The following VPS13B variants were observed in gnomAD, a reference collection of about 807,000 sequenced individuals.
VPS13B encodes vacuolar protein sorting 13 homolog B.
Under a neutral mutation model 426.4 loss-of-function variants are expected in VPS13B, and 285 were observed. That is an observed-to-expected ratio of 0.67 (90% CI 0.61 to 0.74). VPS13B has a LOEUF of 0.74. Among genes scored for constraint, VPS13B ranks in the 30% least tolerant of loss-of-function variants. The probability of loss-of-function intolerance (pLI) is 0.00; values close to 1 mark genes in which losing one functional copy is unlikely to be tolerated. For synonymous variants in VPS13B, 1,676 were observed against 1,676.4 expected (o/e 1.00, Z 0.01); for missense variants, 4,537 against 4,782.6 (o/e 0.95, Z 1.51).
intron 25 of VPS13B, among the ~76,000 whole-genome samples, chr8:99,489,626 G>A (rs1312998980): frequency 6.6e-6 from 1 of 152,112 alleles, no homozygotes; most frequent in Admixed American, 6.5e-5. Context: ...CCCATCCCTT[G>A]TAAGTTGAAT....
chr8:99,818,825 G>C lies in VPS13B; in HGVS notation c.8558G>C (p.Gly2853Ala). ...GAAACACAAATTATTCCAGGAAAAG[G>C]GCAGGAAAAACCACTGCAAAACATA... ...LSETQIIPGK[G>A]QEKPLQNIEP... is the part of the protein sequence containing the mutation. The change falls in exon 47 of 62, where the codon GGG becomes GCG. Residue 2853 changes from glycine (G) to alanine (A), a missense_variant. Physicochemically the swap from Gly to Ala is moderately conservative, Grantham distance 60. Coordinates refer to ENST00000357162, the MANE Select transcript of VPS13B (RefSeq NM_152564.5). The C allele has an allele frequency of 6.2e-7, 1 of 1,613,914 alleles. No individual in the cohort carries two copies.
chr8:99,672,013 T>G (rs1395927677), intron 35 of VPS13B, among the ~76,000 whole-genome samples: 1 of 152,194 alleles, frequency 6.6e-6, no homozygotes, highest in Non-Finnish European at 1.5e-5. Flanking sequence ...TATACTGTTT[T>G]GGTTATAGTT....
chr8:99,384,225 A>T lies in VPS13B; in HGVS notation c.2842A>T (p.Ser948Cys). The change falls in exon 20 of 62, where the codon AGT (serine) becomes TGT (cysteine). Residue 948 changes from serine to cysteine, a missense_variant. Ser to Cys is a moderately radical substitution (Grantham distance 112, BLOSUM62 -1). Coordinates refer to ENST00000357162, the MANE Select transcript of VPS13B (RefSeq NM_152564.5). ...CHNSGAVLLC[S>C]IQGLAVNIDP... is the part of the protein sequence containing the mutation. Reference sequence around the variant, plus strand: ...TCTTTTAGGTGCTGTACTTCTTTGCAGTATACAAGGACTAGCAGTTAATAT... The same window carrying T: ...TCTTTTAGGTGCTGTACTTCTTTGCTGTATACAAGGACTAGCAGTTAATAT... 1.9e-6 allele frequency: 3 copies of T among 1,613,954 alleles called. No individual in the cohort carries two copies. The highest frequency in any genetic ancestry group is 2.5e-6 in the Non-Finnish European group (3 of 1,179,896).
At chr8:99,777,385 C>G (rs569784356) in intron 41 of VPS13B, among the ~76,000 whole-genome samples, 9 of 152,212 alleles carry the variant, frequency 5.9e-5, no homozygotes, top group African/African-American at 2.2e-4. Context: ...AGGAGCAGGT[C>G]ACGTCTTACA....
At chr8:99,664,294 C>A (rs1266547950) in intron 35 of VPS13B, among the ~76,000 whole-genome samples, 1 of 151,456 alleles carries the variant, frequency 6.6e-6, no homozygotes, top group African/African-American at 2.4e-5. Context: ...CATGAGCCAC[C>A]GTGCCCAGCC....
chr8:99,464,680 A>G (rs1019796024), intron 23 of VPS13B, among the ~76,000 whole-genome samples: 1 of 152,116 alleles, frequency 6.6e-6, no homozygotes, highest in Admixed American at 6.6e-5. Context: ...CTCATTTGTA[A>G]GTTTAATATG....
rs78122733 is a variant in VPS13B at position 99,117,580 on chromosome 8, G to T, written c.937+1706G>T. Among the ~76,000 whole-genome samples the T allele has an allele frequency of 7.2e-3, 1,099 of 152,166 alleles. 9 individuals carry two copies. Among genetic ancestry groups the T allele is most frequent in the African/African-American group, 0.026 (1,061 of 41,524 alleles). ...CTGATGAATGGATTATCAAATTATG[G>T]CATATTCATACATTGGAGTATTATT... On this transcript the variant is annotated intron_variant, in intron 7 of 61. Coordinates refer to ENST00000357162, the MANE Select transcript of VPS13B (RefSeq NM_152564.5).
At chr8:99,029,146 C>T (rs1009998604) in intron 2 of VPS13B, among the ~76,000 whole-genome samples, 2 of 146,480 alleles carry the variant, frequency 1.4e-5, no homozygotes, top group African/African-American at 5.1e-5. Context: ...GACAGGGCGG[C>T]GGGGCAGAGG....
At chr8:99,462,846 T>C (rs3134153) in intron 23 of VPS13B, among the ~76,000 whole-genome samples, 41,168 of 152,046 alleles carry the variant, frequency 0.27, 6,401 homozygotes, top group East Asian at 0.44. Flanking sequence ...TGTGAGAACA[T>C]GGCAAGAAGG....
At chr8:99,061,773 G>A (rs951525939) in intron 3 of VPS13B, among the ~76,000 whole-genome samples, 4 of 152,052 alleles carry the variant, frequency 2.6e-5, no homozygotes, top group Non-Finnish European at 4.4e-5. Context: ...ATGACAGTAT[G>A]CTCCTCTTCA....
At chr8:99,247,696 G>T (rs1817295759) in intron 17 of VPS13B, among the ~76,000 whole-genome samples, 1 of 152,012 alleles carries the variant, frequency 6.6e-6, no homozygotes, top group African/African-American at 2.4e-5. Flanking sequence ...TTTGTTCAAG[G>T]CTGGTGTCTT....
At chr8:99,525,039 T>G (rs4735615) in intron 30 of VPS13B, among the ~76,000 whole-genome samples, 40,772 of 151,678 alleles carry the variant, frequency 0.27, 6,244 homozygotes, top group East Asian at 0.45. Flanking sequence ...ATGCTAAAGG[T>G]AGTTCTTCAA....
intron 19 of VPS13B, among the ~76,000 whole-genome samples, chr8:99,355,169 T>C (rs1398122877): frequency 6.6e-6 from 1 of 152,218 alleles, no homozygotes; most frequent in East Asian, 1.9e-4. Context: ...CTAAGCTTAC[T>C]CTGTTAACAT....
chr8:99,590,337 C>T (rs1409122783), intron 33 of VPS13B, among the ~76,000 whole-genome samples: 2 of 152,082 alleles, frequency 1.3e-5, no homozygotes, highest in Non-Finnish European at 2.9e-5. Context: ...CTGTCTCTTT[C>T]AGTTCTGCTC....
intron 35 of VPS13B, among the ~76,000 whole-genome samples, chr8:99,686,775 C>A (rs1831425265): frequency 6.6e-6 from 1 of 151,998 alleles, no homozygotes; most frequent in African/African-American, 2.4e-5. Context: ...TGGCCCAGGG[C>A]AGCCCAGAAA....
At chr8:99,294,050 A>G (rs1819890814) in intron 19 of VPS13B, among the ~76,000 whole-genome samples, 1 of 111,748 alleles carries the variant, frequency 8.9e-6, no homozygotes, top group Non-Finnish European at 1.9e-5. Flanking sequence ...GTATATACCC[A>G]AATGACTATA....
At chr8:99,543,073 T>G (rs1349170949) in intron 30 of VPS13B, among the ~76,000 whole-genome samples, 1 of 152,140 alleles carries the variant, frequency 6.6e-6, no homozygotes, top group Non-Finnish European at 1.5e-5. Flanking sequence ...ACTACAAGGC[T>G]ACAGTAACCA....
intron 34 of VPS13B, among the ~76,000 whole-genome samples, chr8:99,654,760 GC>G (rs1167110460): frequency 7.2e-5 from 11 of 151,988 alleles, no homozygotes; most frequent in African/African-American, 2.7e-4. Context: ...AATAAATGTA[GC>G]ATGATAGGAA....
intron 30 of VPS13B, among the ~76,000 whole-genome samples, chr8:99,532,380 A>G (rs894369282): frequency 5.9e-5 from 9 of 152,198 alleles, no homozygotes; most frequent in Admixed American, 3.9e-4. Context: ...TGAAAACTGC[A>G]TAGTAATTTT....
Sources: gnomAD v4.1 joint callset for allele counts (sites outside exome capture counted in the v4.1 genomes callset) on GRCh38, gnomAD v4.1.1 for gene constraint, MANE v1.5 for transcripts, NCBI Gene and HGNC (gene_info 2026-07-23, HGNC 2026-07-21) for gene names.